The following ANKRD36 variants were observed in gnomAD, a reference collection of about 807,000 sequenced individuals.
ANKRD36 encodes the protein ankyrin repeat domain 36.
ANKRD36 carries 179 observed loss-of-function variants against 278.1 expected under a neutral mutation model. The observed-to-expected ratio is 0.64, with a 90% confidence interval of 0.57 to 0.73. The LOEUF is 0.73. ANKRD36 is among the 30% of genes least tolerant of loss of function. The probability of loss-of-function intolerance (pLI) is 0.00; values close to 1 mark genes in which losing one functional copy is unlikely to be tolerated. For missense variants in ANKRD36, 1,159 were observed against 1,956.7 expected (o/e 0.59, Z 7.69); for synonymous variants, 320 against 641.1 (o/e 0.50, Z 7.57).
rs199703026 is a variant in ANKRD36 at position 97,155,761 on chromosome 2, A to G, written c.1260+1020A>G. 7.4e-3 allele frequency among the ~76,000 whole-genome samples: 1,076 copies of G among 145,280 alleles called. 132 individuals carry two copies. In the East Asian group the frequency reaches 0.12, roughly 16 times the overall value. On this transcript the variant is annotated intron_variant, in intron 15 of 75. Coordinates refer to ENST00000420699, the MANE Select transcript of ANKRD36 (RefSeq NM_001354587.1). ...TAGTTATTGAAAAAATAATTGTAAA[A>G]CTCCTGCATTACTATGAGCCACTTG...
rs533764653 is a variant in ANKRD36 at position 97,132,829 on chromosome 2, A to G, written c.799+5695A>G. Among the ~76,000 whole-genome samples the G allele has an allele frequency of 3.9e-5, 6 of 152,222 alleles. No homozygotes were observed. The East Asian group carries it at 7.7e-4, about 20-fold the overall frequency. Reference sequence around the variant, plus strand: ...GGGAGCCCTCTCCTGTGGAGTTACCAGGATGTGCTGAATTCCTGTAGCTTC... The same window carrying G: ...GGGAGCCCTCTCCTGTGGAGTTACCGGGATGTGCTGAATTCCTGTAGCTTC... On this transcript the variant is annotated intron_variant, in intron 6 of 75. Transcript: ENST00000420699.
intron 51 of ANKRD36, 30 bp from the exon 52 acceptor site, chr2:97,206,033 A>G: frequency 1.3e-6 from 2 of 1,543,142 alleles, no homozygotes; most frequent in Non-Finnish European, 1.7e-6. Context: ...TACTTTATTT[A>G]TTTATTATTT....
chr2:97,209,041 C>T lies in ANKRD36; in HGVS notation c.3266-640C>T, dbSNP rs567389132. On this transcript the variant is annotated intron_variant, in intron 54 of 75. Transcript: ENST00000420699. ...TTGGTGCCAAGAGTGGATGAAGAAGCTTTCGGAAGGCTAAACTAGTGGATA... is the reference window on the plus strand; with the variant it reads ...TTGGTGCCAAGAGTGGATGAAGAAGTTTTCGGAAGGCTAAACTAGTGGATA... Among the ~76,000 whole-genome samples, 4 of 146,606 alleles carry T rather than the reference C, an allele frequency of 2.7e-5. 1 individual carries two copies. Among genetic ancestry groups the T allele is most frequent in the African/African-American group, 7.9e-5 (3 of 37,756 alleles).
chr2:97,228,591 C>A (rs2070769579), intron 67 of ANKRD36, among the ~76,000 whole-genome samples: 1 of 151,940 alleles, frequency 6.6e-6, no homozygotes, highest in Non-Finnish European at 1.5e-5. Context: ...AAACCGGCTC[C>A]TGGATTCATT....
chr2:97,212,347 G>A (rs1576097480), intron 58 of ANKRD36, among the ~76,000 whole-genome samples: 1 of 151,880 alleles, frequency 6.6e-6, no homozygotes, highest in African/African-American at 2.4e-5. Flanking sequence ...ACTACTAGAA[G>A]CAGGAAACTA....
At chr2:97,222,418 G>A (rs1338427463) in intron 66 of ANKRD36, among the ~76,000 whole-genome samples, 1 of 152,072 alleles carries the variant, frequency 6.6e-6, no homozygotes, top group Non-Finnish European at 1.5e-5. Flanking sequence ...TCTCCATGGT[G>A]ACTGTACTAA....
intron 67 of ANKRD36, among the ~76,000 whole-genome samples, chr2:97,232,781 A>G (rs2072599161): frequency 6.6e-6 from 1 of 151,396 alleles, no homozygotes; most frequent in Non-Finnish European, 1.5e-5. Context: ...ACATGTTTTT[A>G]ACTCAGACAA....
At chr2:97,232,059 T>G (rs2072322170) in intron 67 of ANKRD36, among the ~76,000 whole-genome samples, 1 of 151,910 alleles carries the variant, frequency 6.6e-6, no homozygotes, top group Non-Finnish European at 1.5e-5. Flanking sequence ...TCACTGATTT[T>G]AGGCTAATGC....
At position 97,131,023 on chromosome 2, in the gene ANKRD36, A is replaced by C. The variant is rs181205765; in HGVS notation, c.799+3889A>C. ...CTTTATATGTCTTTTAAATTTTCAA[A>C]TTAAGTTAAGACACTTAAGGTGTAT... On this transcript the variant is annotated intron_variant, in intron 6 of 75. Coordinates refer to ENST00000420699, the MANE Select transcript of ANKRD36 (RefSeq NM_001354587.1). Among the ~76,000 whole-genome samples the C allele has an allele frequency of 6.6e-5, 10 of 152,122 alleles. No individual in the cohort carries two copies. In the East Asian group the frequency reaches 1.9e-3, roughly 29 times the overall value.
chr2:97,116,523 C>T (rs549009846), intron 1 of ANKRD36, among the ~76,000 whole-genome samples: 2 of 152,174 alleles, frequency 1.3e-5, no homozygotes, highest in Admixed American at 6.6e-5. Flanking sequence ...ATCCCCGTGC[C>T]TCGGCCTCCC....
At chr2:97,219,378 G>C (rs1272183116) in intron 66 of ANKRD36, 132 bp downstream of exon 66, 1 of 1,260,132 alleles carries the variant, frequency 7.9e-7, no homozygotes, top group East Asian at 2.8e-5. Context: ...TAATGCAGCT[G>C]TTATCATTTT....
chr2:97,118,181 A>G lies in ANKRD36; in HGVS notation c.312+3A>G. On this transcript the variant is annotated splice_donor_region_variant and intron_variant, in intron 2 of 75. Transcript: ENST00000420699. Reference sequence around the variant, plus strand: ...AAGACAGGACACCTCTGATCAAGGTATATAGTAGCTGACTCTTTGAGCATG... The same window carrying G: ...AAGACAGGACACCTCTGATCAAGGTGTATAGTAGCTGACTCTTTGAGCATG... The G allele has an allele frequency of 6.3e-7, 1 of 1,583,858 alleles. No homozygotes were observed. The highest frequency in any genetic ancestry group is 8.6e-7 in the Non-Finnish European group (1 of 1,163,356).
At chr2:97,220,755 A>ATTTTTTTTTTTTTTTT (rs2067293260) in intron 66 of ANKRD36, among the ~76,000 whole-genome samples, 1 of 66,892 alleles carries the variant, frequency 1.5e-5, no homozygotes, top group Admixed American at 1.5e-4. Flanking sequence ...TTTAATTTTT[A>ATTTTTTTTTTTTTTTT]ATTTTCTTTT....
At chr2:97,178,574 A>G (rs1180871301) in intron 22 of ANKRD36, among the ~76,000 whole-genome samples, 1 of 151,388 alleles carries the variant, frequency 6.6e-6, no homozygotes, top group Middle Eastern at 3.2e-3. Context: ...AAACTATCGC[A>G]AAAACAAAAA....
chr2:97,225,798 CCA>C (rs2069335758), intron 67 of ANKRD36, among the ~76,000 whole-genome samples: 2 of 149,978 alleles, frequency 1.3e-5, no homozygotes, highest in Admixed American at 1.3e-4. Context: ...ACAACAGTCC[CCA>C]GAGTGTGATG....
chr2:97,206,997 A>C (rs1194389086), intron 52 of ANKRD36, among the ~76,000 whole-genome samples: 1 of 151,510 alleles, frequency 6.6e-6, no homozygotes, highest in Non-Finnish European at 1.5e-5. Flanking sequence ...ATTCTAATTA[A>C]CTCCTAAAAT....
chr2:97,188,948 C>CCAAGAGACAAAGTAGAAGA (rs1248418459), intron 32 of ANKRD36, 139 bp from the exon 33 acceptor site: 1 of 450,144 alleles, frequency 2.2e-6, no homozygotes, highest in African/African-American at 1.7e-5. Flanking sequence ...TGTTCCAGTC[C>CCAAGAGACAAAGTAGAAGA]CAAGAGACAA....
intron 67 of ANKRD36, among the ~76,000 whole-genome samples, chr2:97,225,541 T>C (rs1483529964): frequency 6.6e-6 from 1 of 152,096 alleles, no homozygotes. Context: ...AACTTAAGCC[T>C]ATAATCTATA....
intron 20 of ANKRD36, 87 bp from the exon 21 acceptor site, chr2:97,167,490 T>A: frequency 6.5e-7 from 1 of 1,537,090 alleles, no homozygotes; most frequent in Non-Finnish European, 8.7e-7. Context: ...CTGTGTTAGT[T>A]GTAGTCATGT....
Sources: gnomAD v4.1 joint callset for allele counts (sites outside exome capture counted in the v4.1 genomes callset) on GRCh38, gnomAD v4.1.1 for gene constraint, MANE v1.5 for transcripts, NCBI Gene and HGNC (gene_info 2026-07-23, HGNC 2026-07-21) for gene names.